Variants in TENM2 observed in about 807,000 individuals in gnomAD.
TENM2 encodes teneurin transmembrane protein 2, also known as teneurin-2.
In TENM2, 52 loss-of-function variants were observed where a neutral mutation model predicts 245.2. That is an observed-to-expected ratio of 0.21 (90% CI 0.17 to 0.27). The LOEUF is 0.27. Among genes scored for constraint, TENM2 ranks in the 10% least tolerant of loss-of-function variants. The pLI is 1.00. For missense variants in TENM2, 3,046 were observed against 3,666.8 expected (o/e 0.83, Z 4.37); for synonymous variants, 1,363 against 1,438.9 (o/e 0.95, Z 1.19).
intron 2 of TENM2, among the ~76,000 whole-genome samples, chr5:167,424,124 G>C (rs1321784019): frequency 6.6e-6 from 1 of 151,532 alleles, no homozygotes; most frequent in South Asian, 2.1e-4. Context: ...CTGGGTTTTT[G>C]TTTTTTTATT....
At chr5:167,542,840 G>A (rs943705255) in intron 2 of TENM2, among the ~76,000 whole-genome samples, 9 of 152,208 alleles carry the variant, frequency 5.9e-5, no homozygotes, top group South Asian at 2.1e-4. Context: ...ATAACTGGAC[G>A]TCACAGTTAT....
chr5:168,260,143 G>A, intron 27 of TENM2, 140 bp from the exon 30 acceptor site: 3 of 833,062 alleles, frequency 3.6e-6, no homozygotes, highest in Non-Finnish European at 5.7e-6. Flanking sequence ...CTGGACTCAG[G>A]AGACAGTCAT....
At chr5:168,237,935 G>A (rs1426383078) in intron 25 of TENM2, among the ~76,000 whole-genome samples, 1 of 151,536 alleles carries the variant, frequency 6.6e-6, no homozygotes, top group African/African-American at 2.4e-5. Context: ...AAGGTCAGGA[G>A]ATCAAGACCA....
chr5:167,937,427 A>T (rs1023143983), intron 3 of TENM2, among the ~76,000 whole-genome samples: 1 of 152,306 alleles, frequency 6.6e-6, no homozygotes, highest in South Asian at 2.1e-4. Flanking sequence ...TAAGTGTAAC[A>T]TCACGGGAAA....
intron 2 of TENM2, among the ~76,000 whole-genome samples, chr5:167,796,089 A>G (rs1329369544): frequency 6.6e-6 from 1 of 152,190 alleles, no homozygotes; most frequent in African/African-American, 2.4e-5. Flanking sequence ...AACTAGAGAG[A>G]TAGAAACAAG....
chr5:167,931,703 G>T (rs761149673), intron 3 of TENM2, among the ~76,000 whole-genome samples: 1 of 152,104 alleles, frequency 6.6e-6, no homozygotes, highest in South Asian at 2.1e-4. Flanking sequence ...AAATGATTTC[G>T]TTCATGTGTG....
At chr5:167,461,716 A>T (rs925048407) in intron 2 of TENM2, among the ~76,000 whole-genome samples, 2 of 152,218 alleles carry the variant, frequency 1.3e-5, no homozygotes, top group African/African-American at 4.8e-5. Context: ...CCAAGGCTCT[A>T]TGTCAAATAA....
chr5:167,107,011 G>A, the TENM2 span, among the ~76,000 whole-genome samples: 1 of 151,378 alleles, frequency 6.6e-6, no homozygotes, highest in East Asian at 2.0e-4. Context: ...TTGGGAGGCC[G>A]AGGCAGGTGG....
At chr5:168,040,361 C>T (rs572376710) in intron 5 of TENM2, among the ~76,000 whole-genome samples, 2 of 152,290 alleles carry the variant, frequency 1.3e-5, no homozygotes, top group South Asian at 4.1e-4. Flanking sequence ...CTTTCCTCTT[C>T]TTTGTAATTC....
chr5:167,042,872 G>A, the TENM2 span, among the ~76,000 whole-genome samples: 1 of 152,118 alleles, frequency 6.6e-6, no homozygotes, highest in Non-Finnish European at 1.5e-5. Flanking sequence ...ATATGACCTC[G>A]GAACAAAGTA....
rs572785789 is a variant in TENM2, at chr5:167,827,401, G to C, written c.503-48585G>C. Among the ~76,000 whole-genome samples, 160 of 152,256 alleles carry C rather than the reference G, an allele frequency of 1.1e-3. 1 individual carries two copies. Among genetic ancestry groups the C allele is most frequent in the African/African-American group, 3.6e-3 (150 of 41,540 alleles). The stretch of plus-strand genomic sequence containing the variant: ...AAAAAGGTACTAGCTACTAGTTAGA[G>C]CATGGCTTAACTTGTACACAGGCAA... On this transcript the variant is annotated intron_variant, in intron 2 of 28. Transcript: ENST00000518659.
At chr5:167,111,477 C>T in the TENM2 span, among the ~76,000 whole-genome samples, 208 of 152,252 alleles carry the variant, frequency 1.4e-3, 2 homozygotes, top group African/African-American at 4.8e-3. Context: ...CTGTATTACA[C>T]GTAGGAAGCA....
chr5:168,118,621 A>C, intron 10 of TENM2, 135 bp downstream of exon 12: 8 of 585,776 alleles, frequency 1.4e-5, no homozygotes, highest in Non-Finnish European at 2.2e-5. Context: ...ACAACTTCAA[A>C]CTCCTTTGCT....
chr5:167,625,702 G>A (rs1001051792), intron 2 of TENM2, among the ~76,000 whole-genome samples: 3 of 152,134 alleles, frequency 2.0e-5, no homozygotes, highest in African/African-American at 7.2e-5. Flanking sequence ...CAGTCCTGTG[G>A]GTCAGAAATT....
At chr5:167,475,059 C>G (rs2127518948) in intron 2 of TENM2, among the ~76,000 whole-genome samples, 1 of 152,118 alleles carries the variant, frequency 6.6e-6, no homozygotes, top group East Asian at 1.9e-4. Context: ...CGGAGCTAAC[C>G]ATAAAAATTG....
chr5:168,200,458 A>C (rs1407726943), intron 17 of TENM2, among the ~76,000 whole-genome samples: 1 of 152,210 alleles, frequency 6.6e-6, no homozygotes, highest in African/African-American at 2.4e-5. Flanking sequence ...GCAGAGACTA[A>C]TGACAAGAAG....
intron 2 of TENM2, among the ~76,000 whole-genome samples, chr5:167,464,961 A>G (rs1766549704): frequency 6.6e-6 from 1 of 152,238 alleles, no homozygotes; most frequent in Admixed American, 6.5e-5. Flanking sequence ...CTTATGGTCC[A>G]TAACTTTTCC....
At chr5:167,823,891 A>G (rs959783742) in intron 2 of TENM2, among the ~76,000 whole-genome samples, 3 of 152,140 alleles carry the variant, frequency 2.0e-5, no homozygotes, top group African/African-American at 4.8e-5. Flanking sequence ...TGCCCTGGCC[A>G]TGGTAGGTTG....
chr5:167,371,416 C>CA (rs1440403876), intron 1 of TENM2, among the ~76,000 whole-genome samples: 2 of 142,710 alleles, frequency 1.4e-5, no homozygotes, highest in African/African-American at 5.2e-5. Flanking sequence ...GGCTGGAGTA[C>CA]AATGGCGTGA....
Sources: allele counts gnomAD v4.1 joint callset (sites outside exome capture counted in the v4.1 genomes callset), GRCh38; gene constraint gnomAD v4.1.1; transcripts MANE v1.5; gene names NCBI Gene and HGNC (gene_info 2026-07-23, HGNC 2026-07-21).